Variants in CAMK1D observed in about 807,000 individuals in gnomAD.
The protein encoded by CAMK1D is calcium/calmodulin dependent protein kinase ID.
CAMK1D carries 9 observed loss-of-function variants against 47.7 expected under a neutral mutation model. The observed-to-expected ratio is 0.19, with a 90% confidence interval of 0.11 to 0.33. The LOEUF (loss-of-function observed/expected upper bound fraction) is 0.33. Ranked by LOEUF, CAMK1D falls within the 10% of genes least tolerant of loss-of-function variation. CAMK1D has a pLI of 1.00. For missense variants in CAMK1D, 291 were observed against 488.7 expected, an observed-to-expected ratio of 0.60 and a Z score of 3.81; for synonymous variants, 184 against 184.9, an observed-to-expected ratio of 0.99 and a Z score of 0.04.
intron 2 of CAMK1D, among the ~76,000 whole-genome samples, chr10:12,562,059 A>G (rs896916241): frequency 5.3e-5 from 8 of 152,202 alleles, no homozygotes; most frequent in African/African-American, 1.9e-4. Flanking sequence ...TTGCTATAGC[A>G]TAATACTTTG....
chr10:12,662,049 A>G (rs1840288266), intron 2 of CAMK1D, among the ~76,000 whole-genome samples: 1 of 152,208 alleles, frequency 6.6e-6, no homozygotes, highest in African/African-American at 2.4e-5. Context: ...GCAGCTAGAG[A>G]GCAATTGAAG....
At chr10:12,455,093 T>C (rs575212799) in intron 1 of CAMK1D, among the ~76,000 whole-genome samples, 1 of 152,204 alleles carries the variant, frequency 6.6e-6, no homozygotes, top group Non-Finnish European at 1.5e-5. Context: ...GATTTTCCAG[T>C]ATTCCAAAAC....
At chr10:12,699,469 T>C (rs1407590749) in intron 3 of CAMK1D, among the ~76,000 whole-genome samples, 1 of 152,138 alleles carries the variant, frequency 6.6e-6, no homozygotes, top group Non-Finnish European at 1.5e-5. Flanking sequence ...TCCGTTGAGA[T>C]CTCTGCTCTT....
intron 3 of CAMK1D, among the ~76,000 whole-genome samples, chr10:12,714,078 G>A (rs999677298): frequency 2.0e-5 from 3 of 152,220 alleles, no homozygotes; most frequent in Non-Finnish European, 4.4e-5. Context: ...GGACATCCCT[G>A]CCACAGCCCA....
At chr10:12,588,540 G>A (rs1477230154) in intron 2 of CAMK1D, among the ~76,000 whole-genome samples, 2 of 151,620 alleles carry the variant, frequency 1.3e-5, no homozygotes, top group African/African-American at 4.8e-5. Context: ...TTCTTTTTGC[G>A]AACTGACCTG....
At chr10:12,678,848 C>T (rs537537875) in intron 3 of CAMK1D, among the ~76,000 whole-genome samples, 71 of 152,156 alleles carry the variant, frequency 4.7e-4, no homozygotes, top group African/African-American at 1.1e-3. Flanking sequence ...CTGCAACCTC[C>T]GCCTCCCAGG....
chr10:12,659,335 A>C (rs141171895), intron 2 of CAMK1D, among the ~76,000 whole-genome samples: 1 of 152,348 alleles, frequency 6.6e-6, no homozygotes, highest in Non-Finnish European at 1.5e-5. Flanking sequence ...CAGCACGGAA[A>C]ATGGATAGGA....
chr10:12,440,708 T>C (rs1832762682), intron 1 of CAMK1D, among the ~76,000 whole-genome samples: 1 of 152,214 alleles, frequency 6.6e-6, no homozygotes, highest in Non-Finnish European at 1.5e-5. Context: ...ATACGGTGTA[T>C]GCCAGGTGCA....
chr10:12,736,536 AGATTTGT>A (rs1835196680), intron 3 of CAMK1D, among the ~76,000 whole-genome samples: 1 of 152,258 alleles, frequency 6.6e-6, no homozygotes, highest in Non-Finnish European at 1.5e-5. Flanking sequence ...TTCTTAAATA[AGATTTGT>A]GTTTTACAAT....
chr10:12,587,303 C>G (rs1485692403), intron 2 of CAMK1D, among the ~76,000 whole-genome samples: 1 of 152,106 alleles, frequency 6.6e-6, no homozygotes, highest in Non-Finnish European at 1.5e-5. Context: ...AATAAGCAGG[C>G]ACAGACAACA....
intron 3 of CAMK1D, among the ~76,000 whole-genome samples, chr10:12,691,022 C>G (rs1445066361): frequency 6.6e-6 from 1 of 152,054 alleles, no homozygotes; most frequent in Admixed American, 6.6e-5. Context: ...AAAGTCAACT[C>G]AAGTCAGAGA....
intron 2 of CAMK1D, among the ~76,000 whole-genome samples, chr10:12,618,921 G>A (rs1432044634): frequency 6.6e-6 from 1 of 152,186 alleles, no homozygotes; most frequent in Non-Finnish European, 1.5e-5. Context: ...GTTCAGAGTG[G>A]CTAAGTAAAT....
At chr10:12,478,208 C>T (rs1833959597) in intron 1 of CAMK1D, among the ~76,000 whole-genome samples, 1 of 151,854 alleles carries the variant, frequency 6.6e-6, no homozygotes, top group African/African-American at 2.4e-5. Context: ...CGGGGTTTCA[C>T]CGTGTTAGCC....
intron 2 of CAMK1D, among the ~76,000 whole-genome samples, chr10:12,666,478 C>G (rs777656979): frequency 1.3e-5 from 2 of 152,122 alleles, no homozygotes; most frequent in Non-Finnish European, 2.9e-5. Flanking sequence ...CTGGGATTCA[C>G]ATGAAGCAAC....
chr10:12,402,873 T>C (rs1425394655), intron 1 of CAMK1D, among the ~76,000 whole-genome samples: 1 of 151,992 alleles, frequency 6.6e-6, no homozygotes, highest in Non-Finnish European at 1.5e-5. Context: ...ACCAGGTTTA[T>C]GTGGGCAAAA....
intron 5 of CAMK1D, among the ~76,000 whole-genome samples, chr10:12,779,584 C>T (rs1179749942): frequency 6.6e-6 from 1 of 152,116 alleles, no homozygotes; most frequent in African/African-American, 2.4e-5. Flanking sequence ...TGCACACCAC[C>T]ACACCTGGCT....
rs796726500 is a variant in CAMK1D at position 12,588,887 on chromosome 10, TGC to T, written c.224+35533_224+35534del. On this transcript the variant is annotated intron_variant, in intron 2 of 10. Transcript: ENST00000619168. ...ATATATGTGTGTGTGTGTGTGTGCG[TGC>T]GTGTGTGTGTGTGTGTATATATAAC... Among the ~76,000 whole-genome samples the T allele has an allele frequency of 2.9e-3, 383 of 132,290 alleles. 4 individuals are homozygous for T. In the East Asian group the frequency reaches 0.046, roughly 16 times the overall value. 86.8% of individuals were successfully genotyped at this position (132,290 alleles called of 152,430 possible).
intron 2 of CAMK1D, among the ~76,000 whole-genome samples, chr10:12,589,620 A>C (rs1326032943): frequency 6.6e-6 from 1 of 152,224 alleles, no homozygotes; most frequent in Non-Finnish European, 1.5e-5. Context: ...TTTTCTTACC[A>C]GTGAAAATGT....
intron 1 of CAMK1D, among the ~76,000 whole-genome samples, chr10:12,523,402 G>C (rs1398899081): frequency 6.6e-6 from 1 of 152,220 alleles, no homozygotes; most frequent in African/African-American, 2.4e-5. Context: ...GCGGCTGGGA[G>C]GTGGAGGTTG....
Sources: gnomAD v4.1 joint callset for allele counts (sites outside exome capture counted in the v4.1 genomes callset) on GRCh38, gnomAD v4.1.1 for gene constraint, MANE v1.5 for transcripts, NCBI Gene and HGNC (gene_info 2026-07-23, HGNC 2026-07-21) for gene names.